SCFD2: variants seen among roughly 807,000 people sequenced by gnomAD.
SCFD2 encodes sec1 family domain containing 2.
Under a neutral mutation model 58.9 loss-of-function variants are expected in SCFD2, and 54 were observed. That is an observed-to-expected ratio of 0.92 (90% CI 0.74 to 1.15). The LOEUF is 1.15. SCFD2 is among the 50% of genes most tolerant of loss of function. The pLI is 0.00. For synonymous variants in SCFD2, 321 were observed against 335.9 expected, an observed-to-expected ratio of 0.96 and a Z score of 0.49; for missense variants, 805 against 836.6, an observed-to-expected ratio of 0.96 and a Z score of 0.47.
chr4:53,280,103 T>C (rs1020724893), intron 3 of SCFD2, among the ~76,000 whole-genome samples: 1 of 152,242 alleles, frequency 6.6e-6, no homozygotes, highest in Non-Finnish European at 1.5e-5. Flanking sequence ...ATACTTAAAA[T>C]ATTTACACAT....
At chr4:53,140,033 T>G (rs1029366177) in intron 5 of SCFD2, among the ~76,000 whole-genome samples, 52 of 151,684 alleles carry the variant, frequency 3.4e-4, no homozygotes, top group Non-Finnish European at 4.4e-4. Context: ...TCATCACCAC[T>G]CCCTAATCTC....
intron 4 of SCFD2, among the ~76,000 whole-genome samples, chr4:53,208,248 A>C (rs542340401): frequency 6.6e-6 from 1 of 152,034 alleles, no homozygotes; most frequent in Non-Finnish European, 1.5e-5. Context: ...CCTGGGCCAG[A>C]CACGAGCCAC....
chr4:52,924,970 G>A (rs1056741499), intron 5 of SCFD2, among the ~76,000 whole-genome samples: 7 of 152,086 alleles, frequency 4.6e-5, no homozygotes, highest in East Asian at 3.9e-4. Flanking sequence ...ATTATTTTCC[G>A]TGATAATAGT....
intron 4 of SCFD2, among the ~76,000 whole-genome samples, chr4:53,254,993 C>T (rs953287346): frequency 2.7e-5 from 4 of 150,500 alleles, no homozygotes. Flanking sequence ...CTGCCTCAGC[C>T]TCCCCAGCAG....
intron 5 of SCFD2, among the ~76,000 whole-genome samples, chr4:53,001,866 T>A (rs1721872213): frequency 6.6e-6 from 1 of 152,226 alleles, no homozygotes; most frequent in African/African-American, 2.4e-5. Flanking sequence ...ATTTTACAGA[T>A]GAGGACACTG....
chr4:53,177,304 T>C (rs1229167141), intron 4 of SCFD2, among the ~76,000 whole-genome samples: 2 of 152,156 alleles, frequency 1.3e-5, no homozygotes, highest in Non-Finnish European at 1.5e-5. Context: ...TAATACATGC[T>C]TGGGGCACCC....
At chr4:52,900,962 C>T (rs1394452297) in intron 7 of SCFD2, among the ~76,000 whole-genome samples, 1 of 152,224 alleles carries the variant, frequency 6.6e-6, no homozygotes, top group Non-Finnish European at 1.5e-5. Flanking sequence ...ATATAATCTC[C>T]TGGTGTGCCG....
At chr4:53,197,695 C>T (rs1176395807) in intron 4 of SCFD2, among the ~76,000 whole-genome samples, 3 of 140,974 alleles carry the variant, frequency 2.1e-5, no homozygotes, top group African/African-American at 5.4e-5. Context: ...AAGACTTCTC[C>T]AATTGCAAAT....
chr4:52,982,993 CAGAG>C (rs1160830973), intron 5 of SCFD2, among the ~76,000 whole-genome samples: 1 of 152,156 alleles, frequency 6.6e-6, no homozygotes, highest in African/African-American at 2.4e-5. Context: ...TCTAACCTCT[CAGAG>C]AGGTTATTTT....
At chr4:52,999,416 G>A (rs1721815218) in intron 5 of SCFD2, among the ~76,000 whole-genome samples, 1 of 152,218 alleles carries the variant, frequency 6.6e-6, no homozygotes, top group African/African-American at 2.4e-5. Flanking sequence ...TACGAAAATG[G>A]TTGGGGGCAG....
At chr4:53,002,294 C>T (rs1721880380) in intron 5 of SCFD2, among the ~76,000 whole-genome samples, 1 of 152,096 alleles carries the variant, frequency 6.6e-6, no homozygotes, top group Admixed American at 6.6e-5. Flanking sequence ...CCAAGCCAAA[C>T]AGGGAGCAAG....
intron 5 of SCFD2, among the ~76,000 whole-genome samples, chr4:52,974,948 G>T (rs1721211625): frequency 6.6e-6 from 1 of 152,176 alleles, no homozygotes; most frequent in Admixed American, 6.5e-5. Flanking sequence ...AAATGGTGCT[G>T]GGAAAACTGG....
Position 52,885,728 on chromosome 4 carries a change from A to T in SCFD2, c.1962+19T>A. On this transcript the variant is annotated intron_variant, in intron 8 of 8. Coordinates refer to ENST00000401642, the MANE Select transcript of SCFD2 (RefSeq NM_152540.4). The stretch of plus-strand genomic sequence containing the variant: ...CCCCTACTTCTGAGCTCTTGTTCAA[A>T]GCATGGAGGACTCAGTACCTGGGTT... The T allele has an allele frequency of 6.2e-7, 1 of 1,613,362 alleles. No individual in the cohort carries two copies. The highest frequency in any genetic ancestry group is 8.5e-7 in the Non-Finnish European group (1 of 1,179,514).
intron 5 of SCFD2, among the ~76,000 whole-genome samples, chr4:52,968,712 G>A (rs566751947): frequency 3.9e-5 from 6 of 152,268 alleles, no homozygotes; most frequent in Non-Finnish European, 7.3e-5. Context: ...GATGCTGTTG[G>A]TGTGGGGATC....
chr4:53,273,293 T>A lies in SCFD2; in HGVS notation c.1311+533A>T, dbSNP rs564903871. Among the ~76,000 whole-genome samples, 119 of 152,318 alleles carry A rather than the reference T, an allele frequency of 7.8e-4. No individual in the cohort carries two copies. The South Asian group carries it at 0.023, about 29-fold the overall frequency. On this transcript the variant is annotated intron_variant, in intron 4 of 8. Transcript: ENST00000401642. ...AAAAAACACATACTACATATTTTTT[T>A]AAAAGTTTCCCATGAAAATATTTCA...
At chr4:53,219,086 G>C (rs1230877535) in intron 4 of SCFD2, among the ~76,000 whole-genome samples, 1 of 152,198 alleles carries the variant, frequency 6.6e-6, no homozygotes, top group African/African-American at 2.4e-5. Flanking sequence ...TCGGGAGTCA[G>C]GGACCCACTG....
intron 5 of SCFD2, among the ~76,000 whole-genome samples, chr4:53,068,258 C>G (rs568120708): frequency 6.6e-6 from 1 of 152,196 alleles, no homozygotes; most frequent in East Asian, 1.9e-4. Context: ...TCCACAGTTT[C>G]TAAAGAGTCT....
At chr4:52,996,674 G>A (rs1721747621) in intron 5 of SCFD2, among the ~76,000 whole-genome samples, 1 of 152,204 alleles carries the variant, frequency 6.6e-6, no homozygotes, top group Non-Finnish European at 1.5e-5. Context: ...TCTCATCTCA[G>A]AAAACCAGAA....
At chr4:52,915,593 A>G (rs746962896) in intron 6 of SCFD2, among the ~76,000 whole-genome samples, 6 of 152,174 alleles carry the variant, frequency 3.9e-5, no homozygotes, top group Non-Finnish European at 7.3e-5. Flanking sequence ...TCATCCATCC[A>G]TCCATCCATC....
Sources: gnomAD v4.1 joint callset for allele counts (sites outside exome capture counted in the v4.1 genomes callset) on GRCh38, gnomAD v4.1.1 for gene constraint, MANE v1.5 for transcripts, NCBI Gene and HGNC (gene_info 2026-07-23, HGNC 2026-07-21) for gene names.